ADAM23: variants seen among roughly 807,000 people sequenced by gnomAD.
The protein encoded by ADAM23 is ADAM metallopeptidase domain 23.
ADAM23 carries 33 observed loss-of-function variants against 120.1 expected under a neutral mutation model. The ratio of observed to expected loss-of-function variants is 0.27; its 90% CI spans 0.21 to 0.37. The LOEUF (loss-of-function observed/expected upper bound fraction) is 0.37. ADAM23 is among the 10% of genes least tolerant of loss of function. The pLI is 1.00. For missense variants in ADAM23, 862 were observed against 1,058.2 expected (o/e 0.81, Z 2.57); for synonymous variants, 367 against 375.2 (o/e 0.98, Z 0.25).
intron 2 of ADAM23, among the ~76,000 whole-genome samples, chr2:206,470,915 A>G (rs974033434): frequency 6.6e-6 from 1 of 152,220 alleles, no homozygotes; most frequent in African/African-American, 2.4e-5. Flanking sequence ...AAGGAAAGCA[A>G]AGACCACTTA....
intron 17 of ADAM23, 63 bp downstream of exon 17, chr2:206,571,879 T>C: frequency 3.7e-6 from 5 of 1,364,764 alleles, no homozygotes; most frequent in Non-Finnish European, 5.2e-6. Flanking sequence ...TCTCAGTGTG[T>C]ACACTGAGCA....
At chr2:206,481,726 C>G (rs780589444) in intron 3 of ADAM23, among the ~76,000 whole-genome samples, 93 of 152,136 alleles carry the variant, frequency 6.1e-4, no homozygotes, top group Admixed American at 1.2e-3. Context: ...TGATGACTTG[C>G]AAATACCTAT....
chr2:206,486,756 C>G (rs539044835), intron 3 of ADAM23, among the ~76,000 whole-genome samples: 20 of 152,102 alleles, frequency 1.3e-4, no homozygotes, highest in Non-Finnish European at 2.4e-4. Context: ...TCATAAAACT[C>G]ACTTTTCTAA....
intron 2 of ADAM23, among the ~76,000 whole-genome samples, chr2:206,475,494 T>G (rs1695757427): frequency 6.6e-6 from 1 of 151,922 alleles, no homozygotes; most frequent in Admixed American, 6.6e-5. Flanking sequence ...TTCCTCAAAC[T>G]TATTTCAATT....
chr2:206,502,543 C>G (rs912287566), intron 3 of ADAM23, among the ~76,000 whole-genome samples: 5 of 152,058 alleles, frequency 3.3e-5, no homozygotes, highest in African/African-American at 4.8e-5. Context: ...AAGTGATACT[C>G]CTTGGGTTTC....
chr2:206,574,731 C>T (rs919344988), intron 18 of ADAM23, among the ~76,000 whole-genome samples: 5 of 152,148 alleles, frequency 3.3e-5, no homozygotes, highest in African/African-American at 1.2e-4. Flanking sequence ...ACAGATGTAG[C>T]CCTGGCTTCA....
At chr2:206,548,493 A>G in intron 8 of ADAM23, 139 bp downstream of exon 8, 1 of 754,930 alleles carries the variant, frequency 1.3e-6, no homozygotes, top group South Asian at 2.2e-5. Context: ...ATAAACAAAA[A>G]ACCCTATGAT....
chr2:206,507,335 TCC>T (rs1696515848), intron 3 of ADAM23, among the ~76,000 whole-genome samples: 1 of 152,028 alleles, frequency 6.6e-6, no homozygotes, highest in Non-Finnish European at 1.5e-5. Flanking sequence ...TAGCACTGTA[TCC>T]CCCTGGGTAC....
At chr2:206,536,687 ATGT>A (rs1165857916) in intron 4 of ADAM23, among the ~76,000 whole-genome samples, 1 of 152,164 alleles carries the variant, frequency 6.6e-6, no homozygotes, top group Non-Finnish European at 1.5e-5. Flanking sequence ...TCAAAATATC[ATGT>A]TGTATATTTT....
chr2:206,587,551 C>A (rs1698347239), intron 19 of ADAM23, among the ~76,000 whole-genome samples, 176 bp downstream of exon 19: 1 of 150,406 alleles, frequency 6.6e-6, no homozygotes, highest in Non-Finnish European at 1.5e-5. Context: ...AATATATTTA[C>A]CTCTGGTGAC....
intron 25 of ADAM23, among the ~76,000 whole-genome samples, chr2:206,610,920 A>C (rs1698814807): frequency 6.6e-6 from 1 of 152,216 alleles, no homozygotes; most frequent in African/African-American, 2.4e-5. Flanking sequence ...AGTGGGAAAT[A>C]AGACCATTAC....
At chr2:206,567,363 C>A (rs376453291) in intron 15 of ADAM23, 41 bp downstream of exon 15, 4 of 1,546,784 alleles carry the variant, frequency 2.6e-6, no homozygotes, top group Non-Finnish European at 2.7e-6. Flanking sequence ...TATATTATTT[C>A]TCCAGTGTTT....
intron 3 of ADAM23, among the ~76,000 whole-genome samples, chr2:206,502,065 A>G (rs897491520): frequency 7.2e-5 from 11 of 152,158 alleles, no homozygotes; most frequent in African/African-American, 2.7e-4. Context: ...AAAATGCACT[A>G]ACTTCCTTTG....
chr2:206,565,198 G>T, intron 14 of ADAM23, 130 bp downstream of exon 14: 1 of 742,772 alleles, frequency 1.3e-6, no homozygotes, highest in South Asian at 2.4e-5. Context: ...TTAATTGTCT[G>T]ATATTTTTAA....
chr2:206,515,964 A>G (rs1184621330), intron 3 of ADAM23, among the ~76,000 whole-genome samples: 3 of 151,964 alleles, frequency 2.0e-5, no homozygotes, highest in South Asian at 4.1e-4. Flanking sequence ...TTCTCTTTCT[A>G]TTATCTGTAA....
At chr2:206,555,402 C>T (rs1230583935) in intron 9 of ADAM23, among the ~76,000 whole-genome samples, 1 of 152,130 alleles carries the variant, frequency 6.6e-6, no homozygotes, top group Non-Finnish European at 1.5e-5. Flanking sequence ...GAGCTCTACC[C>T]TCGTAGTGGT....
chr2:206,488,761 A>G (rs578042861), intron 3 of ADAM23, among the ~76,000 whole-genome samples: 24 of 152,326 alleles, frequency 1.6e-4, no homozygotes, highest in African/African-American at 5.3e-4. Flanking sequence ...CCAAGGGCAT[A>G]GTGGCAGGGC....
At chr2:206,551,076 G>T (rs771495577) in intron 9 of ADAM23, among the ~76,000 whole-genome samples, 1 of 152,128 alleles carries the variant, frequency 6.6e-6, no homozygotes, top group Non-Finnish European at 1.5e-5. Flanking sequence ...ATACTTAACC[G>T]TTTCCTTTAT....
intron 25 of ADAM23, among the ~76,000 whole-genome samples, chr2:206,613,778 G>A (rs931341238): frequency 6.6e-6 from 1 of 152,178 alleles, no homozygotes; most frequent in Admixed American, 6.5e-5. Flanking sequence ...TATGAAAAGA[G>A]AATTTCATAT....
Sources: gnomAD v4.1 joint callset for allele counts (sites outside exome capture counted in the v4.1 genomes callset) on GRCh38, gnomAD v4.1.1 for gene constraint, MANE v1.5 for transcripts, NCBI Gene and HGNC (gene_info 2026-07-23, HGNC 2026-07-21) for gene names.